Variants in RAD51B observed in about 807,000 individuals in gnomAD.
RAD51B encodes RAD51 paralog B.
In RAD51B, 38 loss-of-function variants were observed where a neutral mutation model predicts 42.2. The observed-to-expected ratio is 0.90, with a 90% CI of 0.70 to 1.18. The LOEUF (loss-of-function observed/expected upper bound fraction) is 1.18, where lower values mean the gene tolerates loss of function less well. Ranked by LOEUF, RAD51B falls within the 50% of genes most tolerant of loss-of-function variation. The probability of loss-of-function intolerance (pLI) is 0.00; values close to 1 mark genes in which losing one functional copy is unlikely to be tolerated. For synonymous variants in RAD51B, 154 were observed against 145.2 expected (o/e 1.06, Z -0.43); for missense variants, 373 against 400.7 (o/e 0.93, Z 0.59).
At chr14:68,325,135 G>A (rs538285766) in intron 8 of RAD51B, among the ~76,000 whole-genome samples, 20 of 152,302 alleles carry the variant, frequency 1.3e-4, no homozygotes, top group Middle Eastern at 6.8e-3. Flanking sequence ...ATGATCTTGA[G>A]CAGTCTGCTA....
chr14:68,583,989 G>T (rs946218455), intron 10 of RAD51B, among the ~76,000 whole-genome samples: 1 of 152,142 alleles, frequency 6.6e-6, no homozygotes, highest in Non-Finnish European at 1.5e-5. Flanking sequence ...AGGACCTGGC[G>T]GGGGTGAGCT....
chr14:67,893,643 C>G (rs1411139113), intron 7 of RAD51B, among the ~76,000 whole-genome samples: 2 of 151,864 alleles, frequency 1.3e-5, no homozygotes, highest in African/African-American at 4.8e-5. Flanking sequence ...TGCATTCCAG[C>G]CTGGGCGACA....
chr14:68,537,362 G>C, intron 10 of RAD51B, among the ~76,000 whole-genome samples: 1 of 152,016 alleles, frequency 6.6e-6, no homozygotes, highest in Non-Finnish European at 1.5e-5. Flanking sequence ...AGCTGGTCGT[G>C]GTGGCGGGCG....
chr14:67,952,132 AC>A (rs913272860), intron 7 of RAD51B, among the ~76,000 whole-genome samples: 20 of 152,226 alleles, frequency 1.3e-4, no homozygotes, highest in African/African-American at 4.6e-4. Flanking sequence ...CAGTATTGTC[AC>A]AAAAGATTCA....
intron 9 of RAD51B, among the ~76,000 whole-genome samples, chr14:68,431,555 TTC>T (rs1489197000): frequency 1.5e-4 from 23 of 152,348 alleles, no homozygotes; most frequent in African/African-American, 4.8e-4. Context: ...GTTTATAGTA[TTC>T]TCTGATGGTA....
intron 8 of RAD51B, among the ~76,000 whole-genome samples, chr14:68,401,840 A>G (rs1177001214): frequency 6.6e-6 from 1 of 152,248 alleles, no homozygotes; most frequent in Non-Finnish European, 1.5e-5. Flanking sequence ...AGAAGATTAT[A>G]AATAACAAAA....
chr14:68,609,868 C>G (rs1371312060), intron 10 of RAD51B, among the ~76,000 whole-genome samples: 1 of 152,150 alleles, frequency 6.6e-6, no homozygotes, highest in Non-Finnish European at 1.5e-5. Context: ...CCCACCCACC[C>G]TTTGCCTCCC....
chr14:68,194,671 A>T (rs2079334048), intron 7 of RAD51B, among the ~76,000 whole-genome samples: 1 of 152,246 alleles, frequency 6.6e-6, no homozygotes, highest in African/African-American at 2.4e-5. Context: ...TATAACTGTG[A>T]TCTGAGAACT....
intron 7 of RAD51B, among the ~76,000 whole-genome samples, chr14:68,282,138 C>A (rs150851198): frequency 6.6e-6 from 1 of 152,140 alleles, no homozygotes; most frequent in African/African-American, 2.4e-5. Flanking sequence ...CGCACCACAA[C>A]GCCTGACTAA....
intron 5 of RAD51B, among the ~76,000 whole-genome samples, chr14:67,876,009 G>A (rs1335505233): frequency 6.6e-6 from 1 of 152,154 alleles, no homozygotes; most frequent in Non-Finnish European, 1.5e-5. Context: ...CCTCAGTTCA[G>A]TTCCAGCTGC....
At chr14:68,394,302 G>A (rs578253822) in intron 8 of RAD51B, among the ~76,000 whole-genome samples, 6 of 152,268 alleles carry the variant, frequency 3.9e-5, no homozygotes, top group South Asian at 4.1e-4. Context: ...CAGGAAGGAC[G>A]GGCTCGCCAG....
intron 8 of RAD51B, among the ~76,000 whole-genome samples, chr14:68,352,727 G>A (rs1409332178): frequency 6.6e-6 from 1 of 152,224 alleles, no homozygotes; most frequent in African/African-American, 2.4e-5. Flanking sequence ...GGACTTCATG[G>A]CTTCAGAGAG....
intron 7 of RAD51B, among the ~76,000 whole-genome samples, chr14:68,107,015 C>T (rs1335392409): frequency 1.3e-5 from 2 of 151,776 alleles, no homozygotes; most frequent in Non-Finnish European, 3.0e-5. Context: ...CTGTGAGTGA[C>T]CAGTCTATTT....
chr14:68,629,938 C>T (rs192120696), intron 10 of RAD51B, among the ~76,000 whole-genome samples: 456 of 152,360 alleles, frequency 3.0e-3, no homozygotes, highest in African/African-American at 0.011. Flanking sequence ...AGGGCAGAGG[C>T]GAGCCTGGAG....
intron 7 of RAD51B, among the ~76,000 whole-genome samples, chr14:68,244,065 CA>C (rs1257312554): frequency 1.3e-5 from 2 of 152,054 alleles, no homozygotes; most frequent in Admixed American, 6.5e-5. Flanking sequence ...AAAAAACAAA[CA>C]AAAACAACCA....
intron 4 of RAD51B, among the ~76,000 whole-genome samples, chr14:67,853,779 T>G (rs1055862121): frequency 2.6e-5 from 4 of 152,226 alleles, no homozygotes; most frequent in African/African-American, 9.6e-5. Context: ...TGACTTTAAC[T>G]TAAAAATTTC....
chr14:68,110,646 T>C (rs955719098), intron 7 of RAD51B, among the ~76,000 whole-genome samples: 2 of 152,114 alleles, frequency 1.3e-5, no homozygotes, highest in African/African-American at 4.8e-5. Flanking sequence ...AACTTTTTTG[T>C]ATAAGCATTT....
chr14:68,584,600 C>A (rs1227138228), intron 10 of RAD51B, among the ~76,000 whole-genome samples: 1 of 152,206 alleles, frequency 6.6e-6, no homozygotes, highest in East Asian at 1.9e-4. Context: ...AACATCTGCT[C>A]ATCTGCACCT....
At chr14:68,476,504 C>CT (rs2035891331) in intron 10 of RAD51B, among the ~76,000 whole-genome samples, 3 of 152,214 alleles carry the variant, frequency 2.0e-5, no homozygotes, top group Non-Finnish European at 4.4e-5. Flanking sequence ...CATTTCGCCA[C>CT]TTAGTGCTTA....
Sources: gnomAD v4.1 joint callset for allele counts (sites outside exome capture counted in the v4.1 genomes callset) on GRCh38, gnomAD v4.1.1 for gene constraint, MANE v1.5 for transcripts, NCBI Gene and HGNC (gene_info 2026-07-23, HGNC 2026-07-21) for gene names.